The following CUL1 variants were observed in gnomAD, a reference collection of about 807,000 sequenced individuals.
CUL1 encodes the protein cullin-1.
Under a neutral mutation model 118.0 loss-of-function variants are expected in CUL1, and 24 were observed. The ratio of observed to expected loss-of-function variants is 0.20; its 90% CI spans 0.15 to 0.29. The LOEUF (loss-of-function observed/expected upper bound fraction) is 0.29, where lower values mean the gene tolerates loss of function less well. Among genes scored for constraint, CUL1 ranks in the 10% least tolerant of loss-of-function variants. CUL1 has a pLI of 1.00. For missense variants in CUL1, 361 were observed against 933.8 expected, an observed-to-expected ratio of 0.39 and a Z score of 7.99; for synonymous variants, 332 against 340.4, an observed-to-expected ratio of 0.98 and a Z score of 0.27.
At chr7:148,746,436 C>A (rs1225295797) in intron 2 of CUL1, among the ~76,000 whole-genome samples, 1 of 152,164 alleles carries the variant, frequency 6.6e-6, no homozygotes, top group Non-Finnish European at 1.5e-5. Flanking sequence ...CCTGAAAGAA[C>A]AAACCTTTGG....
At chr7:148,788,285 C>CAGG (rs1800887086) in intron 13 of CUL1, among the ~76,000 whole-genome samples, 1 of 152,214 alleles carries the variant, frequency 6.6e-6, no homozygotes, top group South Asian at 2.1e-4. Flanking sequence ...CTACCAGTGT[C>CAGG]AGGACACCTT....
At chr7:148,729,600 C>T (rs1798690313) in intron 1 of CUL1, among the ~76,000 whole-genome samples, 1 of 152,134 alleles carries the variant, frequency 6.6e-6, no homozygotes, top group African/African-American at 2.4e-5. Flanking sequence ...TGTTTGTGTT[C>T]CTGGGAATTT....
chr7:148,788,671 G>A lies in CUL1; in HGVS notation c.1594G>A (p.Asp532Asn). 1 of 1,592,966 alleles carries A rather than the reference G, an allele frequency of 6.3e-7. No individual in the cohort carries two copies. Among genetic ancestry groups the A allele is most frequent in the Non-Finnish European group, 8.6e-7 (1 of 1,160,996 alleles). Residue 532 changes from aspartate (D) to asparagine (N), a missense_variant, in exon 14 of 22, where the codon GAC (aspartate) becomes AAC (asparagine). This residue lies in a region of CUL1 where 84 missense variants were observed against 203.3 expected (regional missense o/e 0.41). Coordinates refer to ENST00000325222, the MANE Select transcript of CUL1 (RefSeq NM_003592.3). ...GCACTTGACAAACTCAGAACCCCTA[G>A]ACTGTGAGTATCCGTGTGTCTCTAT... ...KKHLTNSEPL[D>N]LDFSIQVLSS...
At chr7:148,708,309 A>G (rs952708437) in intron 1 of CUL1, among the ~76,000 whole-genome samples, 4 of 152,204 alleles carry the variant, frequency 2.6e-5, no homozygotes, top group African/African-American at 9.7e-5. Context: ...TCCCTAGACC[A>G]TATCCGACAT....
Position 148,788,715 on chromosome 7 carries a change from G to A in CUL1, c.1597+41G>A, listed in dbSNP as rs756135658. The A allele has an allele frequency of 5.5e-6, 7 of 1,270,468 alleles. No homozygotes were observed. The South Asian group carries it at 7.5e-5, about 14-fold the overall frequency. 78.7% of individuals were successfully genotyped at this position (1,270,468 alleles called of 1,614,324 possible). ...TCTCTATGTTGTGTTTACAGGCAGA[G>A]TTCTCTGTAGCAAATGAAGAAATGA... On this transcript the variant is annotated intron_variant, in intron 14 of 21. Transcript: ENST00000325222.
chr7:148,752,031 T>C (rs1799507160), intron 2 of CUL1, among the ~76,000 whole-genome samples: 1 of 152,084 alleles, frequency 6.6e-6, no homozygotes, highest in African/African-American at 2.4e-5. Flanking sequence ...GGAGAATCGC[T>C]TGAACCCAGG....
At chr7:148,777,533 C>G (rs1475558776) in intron 9 of CUL1, among the ~76,000 whole-genome samples, 2 of 152,146 alleles carry the variant, frequency 1.3e-5, no homozygotes, top group Non-Finnish European at 2.9e-5. Flanking sequence ...CAGAGGAACT[C>G]CCTCTTCAAA....
intron 2 of CUL1, among the ~76,000 whole-genome samples, chr7:148,749,517 C>G (rs1158274867): frequency 6.6e-6 from 1 of 151,488 alleles, no homozygotes; most frequent in African/African-American, 2.4e-5. Context: ...AACCGACAAG[C>G]CTCTGGCAAA....
At chr7:148,728,753 G>C (rs929517735) in intron 1 of CUL1, among the ~76,000 whole-genome samples, 2 of 152,178 alleles carry the variant, frequency 1.3e-5, no homozygotes, top group Non-Finnish European at 2.9e-5. Context: ...ATAAATATTA[G>C]AGAATAGGTT....
At chr7:148,702,399 A>G (rs949645971) in intron 1 of CUL1, among the ~76,000 whole-genome samples, 1 of 152,312 alleles carries the variant, frequency 6.6e-6, no homozygotes, top group Non-Finnish European at 1.5e-5. Context: ...TTAAAATGAG[A>G]TGGTTTTTAA....
chr7:148,792,930 G>A, intron 17 of CUL1, 112 bp downstream of exon 17: 1 of 693,264 alleles, frequency 1.4e-6, no homozygotes, highest in Admixed American at 2.8e-5. Flanking sequence ...TGAAATAGAT[G>A]TTTGCCTCAT....
intron 9 of CUL1, among the ~76,000 whole-genome samples, chr7:148,780,617 A>AC (rs1800592212): frequency 6.6e-6 from 1 of 152,210 alleles, no homozygotes; most frequent in African/African-American, 2.4e-5. Flanking sequence ...AGGGCAGGCC[A>AC]CACGGGCTCA....
chr7:148,739,772 T>C (rs951685057), intron 2 of CUL1, among the ~76,000 whole-genome samples: 1 of 152,218 alleles, frequency 6.6e-6, no homozygotes, highest in Non-Finnish European at 1.5e-5. Context: ...TTTGCAGTTA[T>C]TGCCTCTGTG....
intron 9 of CUL1, among the ~76,000 whole-genome samples, chr7:148,778,096 A>AAAAAAAAAAAAAAAAAAAAAAAAC (rs1563166639): frequency 3.4e-5 from 2 of 59,306 alleles, no homozygotes; most frequent in Non-Finnish European, 6.3e-5. Flanking sequence ...AAAAAAAAAA[A>AAAAAAAAAAAAAAAAAAAAAAAAC]AGAAGAAGAA....
chr7:148,766,521 C>T, intron 7 of CUL1, 40 bp from the exon 8 acceptor site: 2 of 1,527,140 alleles, frequency 1.3e-6, no homozygotes, highest in Non-Finnish European at 1.8e-6. Flanking sequence ...AGTTCTTTAC[C>T]AATGAATCAA....
rs549902947 is a variant in CUL1 at position 148,731,044 on chromosome 7, A to G, written c.140+782A>G. The stretch of plus-strand genomic sequence containing the variant: ...TGCCCGGGCTGTGGCCCTATTTTTT[A>G]AAGTACAGTATTTAAAAAGAATTTT... On this transcript the variant is annotated intron_variant, in intron 2 of 21. Transcript: ENST00000325222. Among the ~76,000 whole-genome samples, 4 of 152,186 alleles carry G rather than the reference A, an allele frequency of 2.6e-5. No homozygotes were observed. The South Asian group carries it at 8.3e-4, about 32-fold the overall frequency.
chr7:148,743,390 C>A (rs1799207262), intron 2 of CUL1, among the ~76,000 whole-genome samples: 1 of 152,220 alleles, frequency 6.6e-6, no homozygotes, highest in African/African-American at 2.4e-5. Flanking sequence ...CAATAGACAT[C>A]TATGGAGGCT....
intron 1 of CUL1, among the ~76,000 whole-genome samples, chr7:148,723,670 A>T (rs1328535136): frequency 6.6e-6 from 1 of 152,222 alleles, no homozygotes; most frequent in Non-Finnish European, 1.5e-5. Context: ...ACCAAAAAAA[A>T]AAAAGAGGTA....
intron 9 of CUL1, among the ~76,000 whole-genome samples, chr7:148,775,529 A>G (rs368988357): frequency 1.1e-4 from 16 of 152,348 alleles, no homozygotes; most frequent in African/African-American, 3.6e-4. Flanking sequence ...TTAAGAAACA[A>G]ATGTGCAGGT....
Sources: gnomAD v4.1 joint callset for allele counts (sites outside exome capture counted in the v4.1 genomes callset) on GRCh38, gnomAD v4.1.1 for gene constraint, gnomAD v4.1.1 regional missense constraint, MANE v1.5 for transcripts, NCBI Gene and HGNC (gene_info 2026-07-23, HGNC 2026-07-21) for gene names.